The following LYPLAL1 variants were observed in gnomAD, a reference collection of about 807,000 sequenced individuals.
The protein encoded by LYPLAL1 is lysophospholipase-like protein 1.
LYPLAL1 carries 23 observed loss-of-function variants against 19.7 expected under a neutral mutation model. That is an observed-to-expected ratio of 1.17 (90% confidence interval 0.84 to 1.65). The LOEUF (loss-of-function observed/expected upper bound fraction) is 1.65, where lower values mean the gene tolerates loss of function less well. Ranked by LOEUF, LYPLAL1 falls within the 40% of genes most tolerant of loss-of-function variation. The pLI is 0.00. For synonymous variants in LYPLAL1, 119 were observed against 96.3 expected (o/e 1.24, Z -1.38); for missense variants, 355 against 279.4 (o/e 1.27, Z -1.93).
the LYPLAL1 span, among the ~76,000 whole-genome samples, chr1:219,242,360 A>C: frequency 1.3e-5 from 2 of 152,190 alleles, no homozygotes; most frequent in African/African-American, 4.8e-5. Context: ...TCCACCTCCA[A>C]ACAGTCCAAG....
chr1:219,411,533 C>A, the LYPLAL1 span, among the ~76,000 whole-genome samples: 7 of 152,140 alleles, frequency 4.6e-5, no homozygotes, highest in Non-Finnish European at 1.0e-4. Context: ...CCACTCGGCT[C>A]TACCAATCAG....
At chr1:219,341,924 G>A in the LYPLAL1 span, among the ~76,000 whole-genome samples, 72 of 152,220 alleles carry the variant, frequency 4.7e-4, no homozygotes, top group South Asian at 0.015. Context: ...TTTTACTGAA[G>A]AGAAGTTTTA....
chr1:219,425,855 A>G, the LYPLAL1 span, among the ~76,000 whole-genome samples: 1 of 152,236 alleles, frequency 6.6e-6, no homozygotes, highest in Non-Finnish European at 1.5e-5. Context: ...AAATTCAGGT[A>G]GCCTACAAAG....
At chr1:219,367,418 C>A in the LYPLAL1 span, among the ~76,000 whole-genome samples, 1 of 151,990 alleles carries the variant, frequency 6.6e-6, no homozygotes, top group South Asian at 2.1e-4. Context: ...AGAAATAACT[C>A]CAAAAACCAT....
the LYPLAL1 span, among the ~76,000 whole-genome samples, chr1:219,274,007 G>T: frequency 6.6e-6 from 1 of 152,134 alleles, no homozygotes; most frequent in Non-Finnish European, 1.5e-5. Flanking sequence ...TGATCCACCC[G>T]CCTCAGCCTC....
At chr1:219,175,205 C>A in intron 1 of LYPLAL1, 1 of 569,074 alleles carries the variant, frequency 1.8e-6, no homozygotes, top group Non-Finnish European at 2.2e-6. Context: ...GAACCCAAAG[C>A]TCTCCGACCT....
the LYPLAL1 span, among the ~76,000 whole-genome samples, chr1:219,432,028 C>T: frequency 3.3e-5 from 5 of 152,200 alleles, no homozygotes; most frequent in African/African-American, 1.2e-4. Flanking sequence ...AACTATATTT[C>T]ATTGTTAATA....
At chr1:219,298,631 G>A in the LYPLAL1 span, among the ~76,000 whole-genome samples, 3 of 152,158 alleles carry the variant, frequency 2.0e-5, no homozygotes, top group African/African-American at 7.2e-5. Context: ...GAGAGTTCTC[G>A]CCAGGCAGGC....
the LYPLAL1 span, among the ~76,000 whole-genome samples, chr1:219,373,212 C>A: frequency 6.6e-6 from 1 of 152,182 alleles, no homozygotes; most frequent in Non-Finnish European, 1.5e-5. Context: ...GCAGCATTTT[C>A]TACAATAAAT....
the LYPLAL1 span, among the ~76,000 whole-genome samples, chr1:219,345,573 C>A: frequency 6.6e-6 from 1 of 152,148 alleles, no homozygotes; most frequent in Non-Finnish European, 1.5e-5. Flanking sequence ...ATTTCTAAGG[C>A]AAGTTTTGGT....
chr1:219,200,703 A>T, intron 3 of LYPLAL1: 1 of 241,764 alleles, frequency 4.1e-6, no homozygotes, highest in South Asian at 6.1e-5. Context: ...ACACATCTTG[A>T]TCTGCTTGCT....
chr1:219,415,256 C>T, the LYPLAL1 span, among the ~76,000 whole-genome samples: 1 of 152,118 alleles, frequency 6.6e-6, no homozygotes, highest in Non-Finnish European at 1.5e-5. Flanking sequence ...TGGTTTCAAC[C>T]CCCACAAAAT....
chr1:219,279,925 G>GA, the LYPLAL1 span, among the ~76,000 whole-genome samples: 29 of 150,444 alleles, frequency 1.9e-4, 1 homozygote, highest in South Asian at 2.9e-3. Context: ...CAGAAAAGGA[G>GA]AAAAAAAAAT....
the LYPLAL1 span, among the ~76,000 whole-genome samples, chr1:219,326,187 T>C: frequency 1.3e-5 from 2 of 152,030 alleles, no homozygotes; most frequent in South Asian, 4.2e-4. Flanking sequence ...ATATTGGGAT[T>C]ACAGGGGTGA....
the LYPLAL1 span, among the ~76,000 whole-genome samples, chr1:219,437,696 C>T: frequency 6.6e-6 from 1 of 151,694 alleles, no homozygotes; most frequent in African/African-American, 2.4e-5. Context: ...ACAATTAAGT[C>T]CCTTCTCTCC....
At chr1:219,214,712 G>A (rs559360030), downstream of LYPLAL1, among the ~76,000 whole-genome samples, 55 of 133,270 alleles carry the variant, frequency 4.1e-4, no homozygotes, top group African/African-American at 1.4e-3. Context: ...TTTTGAGATG[G>A]AGTCTTGCTT....
the LYPLAL1 span, among the ~76,000 whole-genome samples, chr1:219,226,956 T>C: frequency 6.6e-6 from 1 of 152,222 alleles, no homozygotes; most frequent in Non-Finnish European, 1.5e-5. Context: ...GATTGTGTTA[T>C]AACAACCAGG....
the LYPLAL1 span, among the ~76,000 whole-genome samples, chr1:219,402,455 A>T: frequency 5.3e-5 from 8 of 152,242 alleles, no homozygotes; most frequent in East Asian, 1.5e-3. Flanking sequence ...TGAAAAGTGC[A>T]TTTCCCCCTA....
chr1:219,287,761 A>G, the LYPLAL1 span, among the ~76,000 whole-genome samples: 1 of 152,192 alleles, frequency 6.6e-6, no homozygotes, highest in Non-Finnish European at 1.5e-5. Context: ...TCGAACTGTC[A>G]TCCTCACTTG....
Sources: gnomAD v4.1 joint callset for allele counts (sites outside exome capture counted in the v4.1 genomes callset) on GRCh38, gnomAD v4.1.1 for gene constraint, MANE v1.5 for transcripts, NCBI Gene and HGNC (gene_info 2026-07-23, HGNC 2026-07-21) for gene names.